NMB: variants seen among roughly 807,000 people sequenced by gnomAD.
NMB encodes neuromedin B.
Under a neutral mutation model 11.7 loss-of-function variants are expected in NMB, and 12 were observed. The observed-to-expected ratio is 1.03, with a 90% CI of 0.66 to 1.66. The LOEUF (loss-of-function observed/expected upper bound fraction) is 1.66. Ranked by LOEUF, NMB falls within the 40% of genes most tolerant of loss-of-function variation. NMB has a pLI of 0.00. For missense variants in NMB, 174 were observed against 157.9 expected (o/e 1.10, Z -0.55); for synonymous variants, 76 against 72.6 (o/e 1.05, Z -0.24).
At chr15:84,656,439 A>G (rs1298294184) in intron 2 of NMB, among the ~76,000 whole-genome samples, 1 of 150,812 alleles carries the variant, frequency 6.6e-6, no homozygotes, top group Non-Finnish European at 1.5e-5. Flanking sequence ...ACCAATAATG[A>G]TTTGGGGCCC....
At chr15:84,657,404 AG>A (rs1896797948) in intron 1 of NMB, 56 bp from the exon 2 acceptor site, 1 of 1,397,050 alleles carries the variant, frequency 7.2e-7, no homozygotes, top group African/African-American at 1.5e-5. Context: ...CCTACCTCAG[AG>A]GAAAAGTTCC....
At chr15:84,655,589 A>C (rs1411376109) in intron 2 of NMB, among the ~76,000 whole-genome samples, 180 bp from the exon 3 acceptor site, 1 of 152,174 alleles carries the variant, frequency 6.6e-6, no homozygotes, top group Non-Finnish European at 1.5e-5. Flanking sequence ...TTTTCTCAGA[A>C]CACAGCCCCA....
rs780508478 is a variant in NMB at position 84,657,333 on chromosome 15, T to C, written c.173A>G (p.Lys58Arg). Residue 58 changes from lysine (K) to arginine (R), a missense_variant, in exon 2 of 3, where the codon AAG (lysine) becomes AGG (arginine). Physicochemically the swap from Lys to Arg is conservative, Grantham distance 26. Around this residue, in one of 2 missense-constraint regions of NMB, gnomAD observed 168 missense variants for 138.4 expected, o/e 1.21. Transcript: ENST00000360476. ...NLWATGHFMG[K>R]KSLEPSSPSP... is the part of the protein sequence containing the mutation. ...TGGGCTGGAAGGCTCCAGACTCTTCTTGCCCATGAAGTGACCTGGAAAGGA... is the reference window on the plus strand; with the variant it reads ...TGGGCTGGAAGGCTCCAGACTCTTCCTGCCCATGAAGTGACCTGGAAAGGA... 1.9e-6 allele frequency: 3 copies of C among 1,543,110 alleles called. No individual in the cohort carries two copies. The highest frequency in any genetic ancestry group is 2.4e-5 in the South Asian group (2 of 81,724).
At position 84,657,256 on chromosome 15, in the gene NMB, G is replaced by A; in HGVS notation, c.250C>T (p.Leu84=). 6.2e-7 allele frequency: 1 copy of A among 1,609,370 alleles called. No individual in the cohort carries two copies. The change falls in exon 2 of 3, where the codon CTG becomes TTG. Residue 84 remains leucine (L), a synonymous_variant. Transcript: ENST00000360476. ...HTSLRDQRLQ[L]SHDLLGILLL... ...AGGATTCCGAGCAGATCATGACTCA[G>A]CTGCAGTCGCTGGTCCCTCAGGGAG...
chr15:84,657,319 G>T lies in NMB; in HGVS notation c.187C>A (p.Pro63Thr). The change falls in exon 2 of 3, where the codon CCT (proline) becomes ACT (threonine). Residue 63 changes from proline (P) to threonine (T), a missense_variant. Transcript: ENST00000360476. ...GHFMGKKSLEPSSPSPLGTAP... is the reference protein window; with the variant it reads ...GHFMGKKSLETSSPSPLGTAP... Reference sequence around the variant, plus strand: ...GTCCCCAATGGGGATGGGCTGGAAGGCTCCAGACTCTTCTTGCCCATGAAG... The same window carrying T: ...GTCCCCAATGGGGATGGGCTGGAAGTCTCCAGACTCTTCTTGCCCATGAAG... The T allele has an allele frequency of 1.9e-6, 3 of 1,566,274 alleles. No individual in the cohort carries two copies. The highest frequency in any genetic ancestry group is 2.6e-6 in the Non-Finnish European group (3 of 1,156,286).
chr15:84,657,453 C>T lies in NMB; in HGVS notation c.158-105G>A, dbSNP rs112569432. 8.9e-4 allele frequency: 981 copies of T among 1,106,274 alleles called. 8 individuals carry two copies. In the African/African-American group the frequency reaches 0.014, roughly 16 times the overall value. 68.5% of individuals were successfully genotyped at this position (1,106,274 alleles called of 1,614,324 possible). ...CGTTTCCGTTCTTGTAGCGGGAAGA[C>T]ACTTAACCTTCCTCCTCTTGGTGCT... On this transcript the variant is annotated intron_variant, in intron 1 of 2. Coordinates refer to ENST00000360476, the MANE Select transcript of NMB (RefSeq NM_021077.4).
Position 84,658,155 on chromosome 15 carries a change from C to A in NMB, c.-3G>T. 1 of 1,460,082 alleles carries A rather than the reference C, an allele frequency of 6.8e-7. No individual in the cohort carries two copies. Among genetic ancestry groups the A allele is most frequent in the Non-Finnish European group, 8.9e-7 (1 of 1,119,354 alleles). The allele number at this position is 1,460,082 out of a possible 1,614,324, so 90.4% of individuals were successfully genotyped here. A position where few individuals can be genotyped will look rare whatever the true frequency, so the allele number is the denominator to read the frequency against. On this transcript the variant is annotated 5_prime_UTR_variant, in exon 1 of 3. Transcript: ENST00000360476. The stretch of plus-strand genomic sequence containing the variant: ...GCGCCCCCCGCCCGCCGGGCCATGG[C>A]TGTGCCCGGGCCGCGGCTTCGTTCG...
intron 1 of NMB, among the ~76,000 whole-genome samples, chr15:84,657,558 G>C (rs188268488): frequency 2.0e-5 from 3 of 152,350 alleles, no homozygotes; most frequent in Admixed American, 2.0e-4. Flanking sequence ...CAGGTAGAGA[G>C]GATGGCACAG....
At chr15:84,656,425 G>A (rs1246743822) in intron 2 of NMB, among the ~76,000 whole-genome samples, 1 of 151,404 alleles carries the variant, frequency 6.6e-6, no homozygotes, top group Admixed American at 6.6e-5. Flanking sequence ...ATCAGTGACT[G>A]ACAACCAATA....
Position 84,657,299 on chromosome 15 carries a change from C to G in NMB, c.207G>C (p.Leu69Phe). The stretch of plus-strand genomic sequence containing the variant: ...TCAGGGAGGTGTGGGGAGCTGTCCC[C>G]AATGGGGATGGGCTGGAAGGCTCCA... The part of the protein sequence containing the change: ...KSLEPSSPSP[L>F]GTAPHTSLRD... The change falls in exon 2 of 3, where the codon TTG (leucine) becomes TTC (phenylalanine). Residue 69 changes from leucine to phenylalanine, a missense_variant. Leu to Phe is a conservative substitution (Grantham distance 22). This residue lies in a region of NMB where 168 missense variants were observed against 138.4 expected (regional missense o/e 1.21). Coordinates refer to ENST00000360476, the MANE Select transcript of NMB (RefSeq NM_021077.4). 1.3e-6 allele frequency: 2 copies of G among 1,592,282 alleles called. No homozygotes were observed. Among genetic ancestry groups the G allele is most frequent in the Non-Finnish European group, 8.6e-7 (1 of 1,168,958 alleles).
chr15:84,657,940 A>G, intron 1 of NMB, 56 bp downstream of exon 1: 1 of 1,534,696 alleles, frequency 6.5e-7, no homozygotes, highest in Non-Finnish European at 8.7e-7. Context: ...GTTGAGAAGG[A>G]AATGGGGTCT....
chr15:84,658,068 A>AC lies in NMB; in HGVS notation c.84_85insG (p.Trp29ValfsTer59). 6.3e-7 allele frequency: 1 copy of AC among 1,587,936 alleles called. No homozygotes were observed. Among genetic ancestry groups the AC allele is most frequent in the South Asian group, 1.1e-5 (1 of 89,474 alleles). On this transcript the variant is annotated frameshift_variant, in exon 1 of 3. Transcript: ENST00000360476. LOFTEE classifies it high-confidence loss of function. ...CGGCTGCGGGGCTCCGGGAGATCCC[A>AC]GCTGAGCGGGGCGACGCCGGCAGCG... is the stretch of plus-strand genomic sequence containing the variant.
chr15:84,655,508 G>C, intron 2 of NMB, 99 bp from the exon 3 acceptor site: 1 of 1,483,434 alleles, frequency 6.7e-7, no homozygotes, highest in Non-Finnish European at 9.3e-7. Context: ...GCAGAGGTGG[G>C]CACCAGCAGG....
intron 1 of NMB, among the ~76,000 whole-genome samples, chr15:84,657,594 G>A (rs1896801393): frequency 6.6e-6 from 1 of 152,172 alleles, no homozygotes. Flanking sequence ...GATGGTCCAG[G>A]GCCAGGGAGA....
At position 84,658,133 on chromosome 15, in the gene NMB, C is replaced by T; in HGVS notation, c.20G>A (p.Gly7Asp). The change falls in exon 1 of 3, where the codon GGC becomes GAC. Residue 7 changes from glycine to aspartate, a missense_variant. By Grantham distance (94) the Gly-to-Asp change is moderately conservative (BLOSUM62 -1). Around this residue, in one of 2 missense-constraint regions of NMB, gnomAD observed 168 missense variants for 138.4 expected, o/e 1.21. Transcript: ENST00000360476. MARRAG[G>D]ARMFGSLLLF... Reference sequence around the variant, plus strand: ...CAGGAGGCTGCCGAACATCCGAGCGCCCCCCGCCCGCCGGGCCATGGCTGT... The same window carrying T: ...CAGGAGGCTGCCGAACATCCGAGCGTCCCCCGCCCGCCGGGCCATGGCTGT... The T allele has an allele frequency of 7.3e-6, 11 of 1,513,992 alleles. No homozygotes were observed. The highest frequency in any genetic ancestry group is 9.6e-6 in the Non-Finnish European group (11 of 1,140,258). The allele number at this position is 1,513,992 out of a possible 1,614,324, so 93.8% of individuals were successfully genotyped here. A position where few individuals can be genotyped will look rare whatever the true frequency, so the allele number is the denominator to read the frequency against.
chr15:84,657,314 G>T lies in NMB; in HGVS notation c.192C>A (p.Ser64=). 1 of 1,576,734 alleles carries T rather than the reference G, an allele frequency of 6.3e-7. No individual in the cohort carries two copies. Among genetic ancestry groups the T allele is most frequent in the Non-Finnish European group, 8.6e-7 (1 of 1,161,060 alleles). ...HFMGKKSLEP[S]SPSPLGTAPH... Reference sequence around the variant, plus strand: ...GAGCTGTCCCCAATGGGGATGGGCTGGAAGGCTCCAGACTCTTCTTGCCCA... The same window carrying T: ...GAGCTGTCCCCAATGGGGATGGGCTTGAAGGCTCCAGACTCTTCTTGCCCA... Residue 64 remains serine (S), a synonymous_variant, in exon 2 of 3, where the codon TCC becomes TCA. Transcript: ENST00000360476.
chr15:84,655,183 C>CA lies in NMB; in HGVS notation c.*190dup, dbSNP rs1212180487. 1 of 1,425,768 alleles carries CA rather than the reference C, an allele frequency of 7.0e-7. No individual in the cohort carries two copies. The highest frequency in any genetic ancestry group is 9.5e-7 in the Non-Finnish European group (1 of 1,050,830). 88.3% of individuals were successfully genotyped at this position (1,425,768 alleles called of 1,614,324 possible). ...CAATTCAACAGGGAAGCAGGAAATACAGCAGGAACATAATCTGTGTCTGCA... is the reference window on the plus strand; with the variant it reads ...CAATTCAACAGGGAAGCAGGAAATACAAGCAGGAACATAATCTGTGTCTGCA... On this transcript the variant is annotated 3_prime_UTR_variant, in exon 3 of 3. Coordinates refer to ENST00000360476, the MANE Select transcript of NMB (RefSeq NM_021077.4).
In NMB at chr15:84,658,056, C is replaced by G. The variant is rs1896808340; in HGVS notation, c.97G>C (p.Glu33Gln). 1 of 1,590,646 alleles carries G rather than the reference C, an allele frequency of 6.3e-7. No individual in the cohort carries two copies. Among genetic ancestry groups the G allele is most frequent in the African/African-American group, 1.4e-5 (1 of 72,438 alleles). Reference protein sequence around the residue: ...GVAPLSWDLPEPRSRASKIRV... With the variant: ...GVAPLSWDLPQPRSRASKIRV... ...ATCTTGCTGGCTCGGCTGCGGGGCT[C>G]CGGGAGATCCCAGCTGAGCGGGGCG... Residue 33 changes from glutamate (E) to glutamine (Q), a missense_variant, in exon 1 of 3, where the codon GAG becomes CAG. Physicochemically the swap from Glu to Gln is conservative, Grantham distance 29. Transcript: ENST00000360476.
chr15:84,655,217 A>C lies in NMB; in HGVS notation c.*157T>G. Reference sequence around the variant, plus strand: ...CATAATCTGTGTCTGCATCAGCGATATTTCTGGTGACCCAGCCAGAAATCA... The same window carrying C: ...CATAATCTGTGTCTGCATCAGCGATCTTTCTGGTGACCCAGCCAGAAATCA... On this transcript the variant is annotated 3_prime_UTR_variant, in exon 3 of 3. Transcript: ENST00000360476. 1 of 1,537,496 alleles carries C rather than the reference A, an allele frequency of 6.5e-7. No homozygotes were observed. The highest frequency in any genetic ancestry group is 1.4e-5 in the African/African-American group (1 of 72,498).
Sources: gnomAD v4.1 joint callset for allele counts (sites outside exome capture counted in the v4.1 genomes callset) on GRCh38, gnomAD v4.1.1 for gene constraint, gnomAD v4.1.1 regional missense constraint, MANE v1.5 for transcripts, NCBI Gene and HGNC (gene_info 2026-07-23, HGNC 2026-07-21) for gene names.